Variants in CSNK2A3 observed in about 807,000 individuals in gnomAD.
The protein encoded by CSNK2A3 is casein kinase 2 alpha 3.
Under a neutral mutation model 36.5 loss-of-function variants are expected in CSNK2A3, and 31 were observed. The observed-to-expected ratio is 0.85, with a 90% CI of 0.64 to 1.15. CSNK2A3 has a LOEUF of 1.15. CSNK2A3 is among the 50% of genes most tolerant of loss of function. The probability of loss-of-function intolerance (pLI) is 0.00; values close to 1 mark genes in which losing one functional copy is unlikely to be tolerated. For missense variants in CSNK2A3, 443 were observed against 487.2 expected (o/e 0.91, Z 0.85); for synonymous variants, 152 against 176.3 (o/e 0.86, Z 1.09).
At position 11,352,259 on chromosome 11, in the gene CSNK2A3, A is replaced by G. The variant is rs764967955; in HGVS notation, c.861T>C (p.Ser287=). The G allele has an allele frequency of 1.2e-6, 2 of 1,614,020 alleles. No homozygotes were observed. Among genetic ancestry groups the G allele is most frequent in the Non-Finnish European group, 1.7e-6 (2 of 1,180,002 alleles). ...SRKRWERFVH[S]ENQHLVSPEA... Reference sequence around the variant, plus strand: ...CAGGGCTGACAAGGTGCTGATTTTCACTGTGGACAAAGCGTTCCCATCGCT... The same window carrying G: ...CAGGGCTGACAAGGTGCTGATTTTCGCTGTGGACAAAGCGTTCCCATCGCT... Residue 287 remains serine (S), a synonymous_variant, in exon 1 of 1, where the codon AGT becomes AGC. Coordinates refer to ENST00000528848, the MANE Select transcript of CSNK2A3 (RefSeq NM_001256686.2).
At position 11,352,164 on chromosome 11, in the gene CSNK2A3, A is replaced by G; in HGVS notation, c.956T>C (p.Met319Thr). 1 of 1,613,528 alleles carries G rather than the reference A, an allele frequency of 6.2e-7. No individual in the cohort carries two copies. Among genetic ancestry groups the G allele is most frequent in the Non-Finnish European group, 8.5e-7 (1 of 1,179,950 alleles). Residue 319 changes from methionine to threonine, a missense_variant, in exon 1 of 1, where the codon ATG becomes ACG. Physicochemically the swap from Met to Thr is moderately conservative, Grantham distance 81. Transcript: ENST00000528848. Reference protein sequence around the residue: ...HQSRLTAREAMEHPYFYTVVK... With the variant: ...HQSRLTAREATEHPYFYTVVK... ...AACAGTGTAGAAATAGGGGTGCTCC[A>G]TGGCCTCTCTTGCAGTAAGCCGTGA...
rs1850430807 is a variant in CSNK2A3, at chr11:11,352,428, G to A, written c.692C>T (p.Pro231Leu). ...ATAATTGTCACGTCCATGGAAAAAT[G>A]GCTCCTTCCGAAAGATCATACTTGC... ...MLASMIFRKE[P>L]FFHGRDNYDQ... Residue 231 changes from proline to leucine, a missense_variant, in exon 1 of 1, where the codon CCA becomes CTA. Coordinates refer to ENST00000528848, the MANE Select transcript of CSNK2A3 (RefSeq NM_001256686.2). 6.2e-7 allele frequency: 1 copy of A among 1,614,090 alleles called. No homozygotes were observed. Among genetic ancestry groups the A allele is most frequent in the East Asian group, 2.2e-5 (1 of 44,884 alleles).
rs774332368 is a variant in CSNK2A3, at chr11:11,352,492, C to G, written c.628G>C (p.Asp210His). The G allele has an allele frequency of 2.5e-6, 4 of 1,614,000 alleles. No individual in the cohort carries two copies. Among genetic ancestry groups the G allele is most frequent in the East Asian group, 2.2e-5 (1 of 44,892 alleles). ...AATCTCCACATATCCAAACTATAAT[C>G]GTACATCTGATAGTCTACAAGTAGC... ...PELLVDYQMY[D>H]YSLDMWRLGC... Residue 210 changes from aspartate to histidine, a missense_variant, in exon 1 of 1, where the codon GAT becomes CAT. By Grantham distance (81) the Asp-to-His change is moderately conservative (BLOSUM62 -1). Transcript: ENST00000528848.
Position 11,352,751 on chromosome 11 carries a change from T to G in CSNK2A3, c.369A>C (p.Gln123His), listed in dbSNP as rs755289709. 1.9e-6 allele frequency: 3 copies of G among 1,614,150 alleles called. No individual in the cohort carries two copies. Among genetic ancestry groups the G allele is most frequent in the Non-Finnish European group, 2.5e-6 (3 of 1,180,024 alleles). ...FEHVNNTDFK[Q>H]LYQTLTDYDI... is the part of the protein sequence containing the mutation. ...CATAGTCTGTTAACGTCTGGTACAA[T>G]TGCTTGAAGTCTGTGTTGTTTACGT... The change falls in exon 1 of 1, where the codon CAA (glutamine) becomes CAC (histidine). Residue 123 changes from glutamine to histidine, a missense_variant. Physicochemically the swap from Gln to His is conservative, Grantham distance 24. Coordinates refer to ENST00000528848, the MANE Select transcript of CSNK2A3 (RefSeq NM_001256686.2).
rs564894081 is a variant in CSNK2A3 at position 11,352,098 on chromosome 11, C to G, written c.1022G>C (p.Gly341Ala). 5 of 1,613,500 alleles carry G rather than the reference C, an allele frequency of 3.1e-6. No homozygotes were observed. The East Asian group carries it at 1.1e-4, about 36-fold the overall frequency. Residue 341 changes from glycine (G) to alanine (A), a missense_variant, in exon 1 of 1, where the codon GGG becomes GCG. Transcript: ENST00000528848. ...GGCGCTGCTGACGGGCGTACTGCCC[C>G]CTGGCATGCTAGATGAACCCATTCG... ...QARMGSSSMPGGSTPVSSANV... is the reference protein window; with the variant it reads ...QARMGSSSMPAGSTPVSSANV...
At chr11:11,352,897 T>A in the CSNK2A3 span, 2 of 1,614,224 alleles carry the variant, frequency 1.2e-6, no homozygotes, top group South Asian at 2.2e-5. Flanking sequence ...ATTTTCTTCT[T>A]TTTTACTGGC....
In CSNK2A3 at chr11:11,353,014, G is replaced by C. The variant is rs777010180; in HGVS notation, c.106C>G (p.Gln36Glu). ...YESHVVEWGN[Q>E]DDYQLVRKLG... ...TTTCGAACCAGCTGGTAGTCATCTT[G>C]ATTTCCCCATTCCACCACATGTGAC... The change falls in exon 1 of 1, where the codon CAA becomes GAA. Residue 36 changes from glutamine (Q) to glutamate (E), a missense_variant. Gln to Glu is a conservative substitution (Grantham distance 29). Transcript: ENST00000528848. 2 of 1,614,030 alleles carry C rather than the reference G, an allele frequency of 1.2e-6. No individual in the cohort carries two copies. Among genetic ancestry groups the C allele is most frequent in the African/African-American group, 2.7e-5 (2 of 74,904 alleles).
chr11:11,352,048 C>A lies in CSNK2A3; in HGVS notation c.1072G>T (p.Val358Leu), dbSNP rs138837005. The change falls in exon 1 of 1, where the codon GTG becomes TTG. Residue 358 changes from valine to leucine, a missense_variant. By Grantham distance (32) the Val-to-Leu change is conservative. Coordinates refer to ENST00000528848, the MANE Select transcript of CSNK2A3 (RefSeq NM_001256686.2). Reference sequence around the variant, plus strand: ...GGTCCAAGGGGTGAAGGAGTTGGCACTGAAGAAATCCCTGACATCACATTG... The same window carrying A: ...GGTCCAAGGGGTGAAGGAGTTGGCAATGAAGAAATCCCTGACATCACATTG... ...SANVMSGISS[V>L]PTPSPLGPLA... 138 of 1,613,750 alleles carry A rather than the reference C, an allele frequency of 8.6e-5. No homozygotes were observed. The African/African-American group carries it at 1.5e-3, about 18-fold the overall frequency.
Position 11,353,129 on chromosome 11 carries a change from G to C in CSNK2A3, c.-10C>G, listed in dbSNP as rs758648808. ...GCACGGGTCCCGACATGTCAGACAG[G>C]TTGGCGGACAAAGCTGGACTTGATG... On this transcript the variant is annotated 5_prime_UTR_variant, in exon 1 of 1. Coordinates refer to ENST00000528848, the MANE Select transcript of CSNK2A3 (RefSeq NM_001256686.2). 2 of 1,613,752 alleles carry C rather than the reference G, an allele frequency of 1.2e-6. No homozygotes were observed. The highest frequency in any genetic ancestry group is 1.7e-6 in the Non-Finnish European group (2 of 1,179,676).
rs1850417096 is a variant in CSNK2A3, at chr11:11,352,018, C to T, written c.1102G>A (p.Ala368Thr). 1 of 1,613,482 alleles carries T rather than the reference C, an allele frequency of 6.2e-7. No homozygotes were observed. Among genetic ancestry groups the T allele is most frequent in the Non-Finnish European group, 8.5e-7 (1 of 1,179,864 alleles). Reference sequence around the variant, plus strand: ...GCAGCAGCAATCACTGGTGAGCCTGCCAGAGGTCCAAGGGGTGAAGGAGTT... The same window carrying T: ...GCAGCAGCAATCACTGGTGAGCCTGTCAGAGGTCCAAGGGGTGAAGGAGTT... ...VPTPSPLGPL[A>T]GSPVIAAANP... Residue 368 changes from alanine to threonine, a missense_variant, in exon 1 of 1, where the codon GCA (alanine) becomes ACA (threonine). Coordinates refer to ENST00000528848, the MANE Select transcript of CSNK2A3 (RefSeq NM_001256686.2).
chr11:11,352,163 C>T lies in CSNK2A3; in HGVS notation c.957G>A (p.Met319Ile), dbSNP rs1850422279. 1 of 1,613,670 alleles carries T rather than the reference C, an allele frequency of 6.2e-7. No individual in the cohort carries two copies. Among genetic ancestry groups the T allele is most frequent in the Non-Finnish European group, 8.5e-7 (1 of 1,179,960 alleles). The stretch of plus-strand genomic sequence containing the variant: ...CAACAGTGTAGAAATAGGGGTGCTC[C>T]ATGGCCTCTCTTGCAGTAAGCCGTG... ...HQSRLTAREA[M>I]EHPYFYTVVK... The change falls in exon 1 of 1, where the codon ATG becomes ATA. Residue 319 changes from methionine to isoleucine, a missense_variant. Met to Ile is a conservative substitution (Grantham distance 10, BLOSUM62 1). Transcript: ENST00000528848.
Position 11,352,791 on chromosome 11 carries a change from G to A in CSNK2A3, c.329C>T (p.Ala110Val), listed in dbSNP as rs1850442706. 2.5e-6 allele frequency: 4 copies of A among 1,614,138 alleles called. No homozygotes were observed. The East Asian group carries it at 8.9e-5, about 36-fold the overall frequency. Reference protein sequence around the residue: ...IVKDPVSRTPALVFEHVNNTD... With the variant: ...IVKDPVSRTPVLVFEHVNNTD... ...GTTGTTTACGTGTTCAAAAACCAAG[G>A]CGGGGGTTCGTGACACAGGGTCTTT... is the stretch of plus-strand genomic sequence containing the variant. Residue 110 changes from alanine to valine, a missense_variant, in exon 1 of 1, where the codon GCC becomes GTC. Coordinates refer to ENST00000528848, the MANE Select transcript of CSNK2A3 (RefSeq NM_001256686.2).
Position 11,352,005 on chromosome 11 carries a change from A to C in CSNK2A3, c.1115T>G (p.Val372Gly), listed in dbSNP as rs1442293638. The stretch of plus-strand genomic sequence containing the variant: ...CCCAAGGGGGTTGGCAGCAGCAATC[A>C]CTGGTGAGCCTGCCAGAGGTCCAAG... ...SPLGPLAGSP[V>G]IAAANPLGMP... Residue 372 changes from valine (V) to glycine (G), a missense_variant, in exon 1 of 1, where the codon GTG becomes GGG. Val to Gly is a moderately radical substitution (Grantham distance 109). Coordinates refer to ENST00000528848, the MANE Select transcript of CSNK2A3 (RefSeq NM_001256686.2). 1 of 1,613,016 alleles carries C rather than the reference A, an allele frequency of 6.2e-7. No homozygotes were observed. The highest frequency in any genetic ancestry group is 1.1e-5 in the South Asian group (1 of 90,924).
chr11:11,353,040 T>G lies in CSNK2A3; in HGVS notation c.80A>C (p.Glu27Ala). 6.2e-7 allele frequency: 1 copy of G among 1,614,224 alleles called. No individual in the cohort carries two copies. Among genetic ancestry groups the G allele is most frequent in the Admixed American group, 1.7e-5 (1 of 60,028 alleles). The change falls in exon 1 of 1, where the codon GAG becomes GCG. Residue 27 changes from glutamate (E) to alanine (A), a missense_variant. Physicochemically the swap from Glu to Ala is moderately radical, Grantham distance 107. Transcript: ENST00000528848. Reference protein sequence around the residue: ...THRPREYWDYESHVVEWGNQD... With the variant: ...THRPREYWDYASHVVEWGNQD... ...ATTTCCCCATTCCACCACATGTGAC[T>G]CGTAATCCCAGTATTCTCGAGGTCT...
chr11:11,352,502 A>G lies in CSNK2A3; in HGVS notation c.618T>C (p.Tyr206=), dbSNP rs752966428. 1.2e-6 allele frequency: 2 copies of G among 1,614,170 alleles called. No homozygotes were observed. The highest frequency in any genetic ancestry group is 1.7e-5 in the Admixed American group (1 of 60,020). The change falls in exon 1 of 1, where the codon TAT becomes TAC. Residue 206 remains tyrosine (Y), a synonymous_variant. Transcript: ENST00000528848. ...TATCCAAACTATAATCGTACATCTG[A>G]TAGTCTACAAGTAGCTCAGGACCTT... ...YFKGPELLVD[Y]QMYDYSLDMW... is the part of the protein sequence containing the mutation.
Position 11,352,198 on chromosome 11 carries a change from C to T in CSNK2A3, c.922G>A (p.Asp308Asn), listed in dbSNP as rs1475864933. The change falls in exon 1 of 1, where the codon GAC becomes AAC. Residue 308 changes from aspartate to asparagine, a missense_variant. Physicochemically the swap from Asp to Asn is conservative, Grantham distance 23. Coordinates refer to ENST00000528848, the MANE Select transcript of CSNK2A3 (RefSeq NM_001256686.2). ...LDFLDKLLRY[D>N]HQSRLTAREA... ...CTTGCAGTAAGCCGTGACTGGTGGT[C>T]ATATCGCAGCAGTTTGTCCAGGAAA... 4 of 1,613,718 alleles carry T rather than the reference C, an allele frequency of 2.5e-6. No individual in the cohort carries two copies. The highest frequency in any genetic ancestry group is 3.4e-6 in the Non-Finnish European group (4 of 1,179,972).
At chr11:11,352,556 A>C in the CSNK2A3 span, 129 of 1,614,182 alleles carry the variant, frequency 8.0e-5, no homozygotes, top group East Asian at 2.6e-3. Flanking sequence ...CTCGGACATT[A>C]TATTCTTGGC....
rs1850437171 is a variant in CSNK2A3, at chr11:11,352,628, A to G, written c.492T>C (p.Ile164=). Residue 164 remains isoleucine (I), a synonymous_variant, in exon 1 of 1, where the codon ATT becomes ATC. Coordinates refer to ENST00000528848, the MANE Select transcript of CSNK2A3 (RefSeq NM_001256686.2). ...HRDVKPHNVM[I]DHEHRKLRLI... ...GTCGTAGCTTTCTGTGCTCATGATC[A>G]ATCATGACATTATGGGGCTTGACAT... 1 of 1,614,204 alleles carries G rather than the reference A, an allele frequency of 6.2e-7. No individual in the cohort carries two copies. Among genetic ancestry groups the G allele is most frequent in the African/African-American group, 1.3e-5 (1 of 75,062 alleles).
Position 11,352,486 on chromosome 11 carries a change from T to C in CSNK2A3, c.634A>G (p.Ser212Gly). ...LLVDYQMYDY[S>G]LDMWRLGCML... ...CAACCCAATCTCCACATATCCAAAC[T>C]ATAATCGTACATCTGATAGTCTACA... The change falls in exon 1 of 1, where the codon AGT (serine) becomes GGT (glycine). Residue 212 changes from serine (S) to glycine (G), a missense_variant. Transcript: ENST00000528848. 1 of 1,614,110 alleles carries C rather than the reference T, an allele frequency of 6.2e-7. No homozygotes were observed.
Sources: gnomAD v4.1 joint callset for allele counts on GRCh38, gnomAD v4.1.1 for gene constraint, MANE v1.5 for transcripts, NCBI Gene and HGNC (gene_info 2026-07-23, HGNC 2026-07-21) for gene names.